Variants in NUBPL observed in about 807,000 individuals in gnomAD.
The protein encoded by NUBPL is NUBP iron-sulfur cluster assembly factor, mitochondrial, also known as iron-sulfur cluster transfer protein NUBPL.
Under a neutral mutation model 45.7 loss-of-function variants are expected in NUBPL, and 31 were observed. The observed-to-expected ratio is 0.68, with a 90% confidence interval of 0.51 to 0.92. NUBPL has a LOEUF of 0.92. Ranked by LOEUF, NUBPL falls within the 40% of genes least tolerant of loss-of-function variation. NUBPL has a pLI of 0.00. For missense variants in NUBPL, 401 were observed against 398.7 expected (o/e 1.01, Z -0.05); for synonymous variants, 144 against 140.9 (o/e 1.02, Z -0.15).
intron 4 of NUBPL, among the ~76,000 whole-genome samples, chr14:31,648,264 G>T (rs2035908406): frequency 6.6e-6 from 1 of 152,166 alleles, no homozygotes; most frequent in Admixed American, 6.5e-5. Context: ...TTAAGAGGTT[G>T]CTTTAAAAAA....
intron 4 of NUBPL, among the ~76,000 whole-genome samples, chr14:31,639,842 G>A (rs941227228): frequency 7.9e-5 from 12 of 152,154 alleles, no homozygotes; most frequent in African/African-American, 2.4e-4. Context: ...TCAGACTGCT[G>A]TGCTAGCAAT....
At chr14:31,636,663 T>A (rs1595405577) in intron 4 of NUBPL, among the ~76,000 whole-genome samples, 4 of 152,310 alleles carry the variant, frequency 2.6e-5, no homozygotes, top group African/African-American at 9.6e-5. Flanking sequence ...TCAGAAGGAA[T>A]GGTACCAGTT....
intron 6 of NUBPL, among the ~76,000 whole-genome samples, chr14:31,770,968 T>A (rs1182536488): frequency 1.3e-5 from 2 of 152,182 alleles, no homozygotes; most frequent in African/African-American, 4.8e-5. Context: ...ATCTATTGAG[T>A]CAGTTTCAAA....
chr14:31,696,012 A>G (rs1487083520), intron 6 of NUBPL, among the ~76,000 whole-genome samples: 1 of 152,246 alleles, frequency 6.6e-6, no homozygotes, highest in Non-Finnish European at 1.5e-5. Flanking sequence ...AGAAAGCAAT[A>G]TAAATAAAGT....
At chr14:31,673,793 A>G (rs754322347) in intron 6 of NUBPL, among the ~76,000 whole-genome samples, 1 of 152,102 alleles carries the variant, frequency 6.6e-6, no homozygotes, top group Non-Finnish European at 1.5e-5. Context: ...TAAAAATTCT[A>G]TTGTCTTACT....
At chr14:31,644,084 T>TA (rs1238833824) in intron 4 of NUBPL, among the ~76,000 whole-genome samples, 1 of 152,000 alleles carries the variant, frequency 6.6e-6, no homozygotes, top group East Asian at 1.9e-4. Context: ...TTGTCTTGTT[T>TA]AAAAAATCAA....
intron 4 of NUBPL, among the ~76,000 whole-genome samples, chr14:31,609,932 G>A (rs2034706430): frequency 6.6e-6 from 1 of 152,050 alleles, no homozygotes; most frequent in East Asian, 1.9e-4. Context: ...TACTAAGAGG[G>A]AAGTTTGTAG....
chr14:31,644,291 C>T (rs554975883), intron 4 of NUBPL, among the ~76,000 whole-genome samples: 2 of 151,914 alleles, frequency 1.3e-5, no homozygotes, highest in Non-Finnish European at 2.9e-5. Flanking sequence ...GTGTTTATTG[C>T]TATAGACTTC....
intron 3 of NUBPL, among the ~76,000 whole-genome samples, chr14:31,585,342 G>A (rs1180205116): frequency 6.6e-6 from 1 of 152,140 alleles, no homozygotes; most frequent in African/African-American, 2.4e-5. Flanking sequence ...CTGAAGTTGC[G>A]GGATGGACAA....
intron 6 of NUBPL, among the ~76,000 whole-genome samples, chr14:31,701,549 C>T (rs766874583): frequency 1.8e-4 from 28 of 152,182 alleles, no homozygotes; most frequent in African/African-American, 5.5e-4. Flanking sequence ...TCTTTGGGTC[C>T]GCGCCGCCTT....
At chr14:31,775,504 T>C (rs1325154616) in intron 6 of NUBPL, among the ~76,000 whole-genome samples, 1 of 152,186 alleles carries the variant, frequency 6.6e-6, no homozygotes, top group Non-Finnish European at 1.5e-5. Context: ...TGTGTTACTA[T>C]GTACAAGAGA....
At chr14:31,820,977 G>T (rs2040008843) in intron 7 of NUBPL, among the ~76,000 whole-genome samples, 1 of 151,954 alleles carries the variant, frequency 6.6e-6, no homozygotes, top group Non-Finnish European at 1.5e-5. Flanking sequence ...ACAAAAATTA[G>T]CTGGGCATGG....
chr14:31,627,405 G>C (rs1422506402), intron 4 of NUBPL, among the ~76,000 whole-genome samples: 3 of 151,948 alleles, frequency 2.0e-5, no homozygotes, highest in African/African-American at 7.3e-5. Flanking sequence ...CTCATCTTCA[G>C]CTTGTACTGA....
chr14:31,618,941 T>C (rs958913290), intron 4 of NUBPL, among the ~76,000 whole-genome samples: 14 of 152,208 alleles, frequency 9.2e-5, no homozygotes, highest in Non-Finnish European at 1.9e-4. Flanking sequence ...TGTATGTCTC[T>C]AAGAACTTGC....
chr14:31,705,779 C>G (rs12589227), intron 6 of NUBPL, among the ~76,000 whole-genome samples: 55,803 of 152,132 alleles, frequency 0.37, 12,588 homozygotes, highest in East Asian at 0.6. Context: ...GGCTTCACCT[C>G]TCAATGGCAG....
intron 6 of NUBPL, chr14:31,703,256 C>T (rs911606476): frequency 2.6e-5 from 4 of 152,280 alleles, no homozygotes; most frequent in African/African-American, 9.7e-5. Flanking sequence ...CATCTCGTGC[C>T]CCTTTCTCGT....
At chr14:31,758,947 G>T (rs2038735899) in intron 6 of NUBPL, among the ~76,000 whole-genome samples, 1 of 152,096 alleles carries the variant, frequency 6.6e-6, no homozygotes, top group Non-Finnish European at 1.5e-5. Flanking sequence ...CACAATAGGG[G>T]ATGAAGACTT....
intron 7 of NUBPL, among the ~76,000 whole-genome samples, chr14:31,789,948 T>A (rs2039349308): frequency 6.6e-6 from 1 of 152,002 alleles, no homozygotes; most frequent in Non-Finnish European, 1.5e-5. Flanking sequence ...TTTATAGTTT[T>A]AGGATCTTTT....
chr14:31,765,073 G>A (rs563068513), intron 6 of NUBPL, among the ~76,000 whole-genome samples: 1 of 152,242 alleles, frequency 6.6e-6, no homozygotes, highest in South Asian at 2.1e-4. Context: ...AGCTTTGTAA[G>A]TGGCAAGTCT....
Sources: allele counts gnomAD v4.1 joint callset (sites outside exome capture counted in the v4.1 genomes callset), GRCh38; gene constraint gnomAD v4.1.1; transcripts MANE v1.5; gene names NCBI Gene and HGNC (gene_info 2026-07-23, HGNC 2026-07-21).